FRMD4B: variants seen among roughly 807,000 people sequenced by gnomAD.
FRMD4B encodes FERM domain containing 4B, also known as FERM domain-containing protein 4B.
A neutral mutation model predicts 141.5 loss-of-function variants in FRMD4B; 74 were observed. That is an observed-to-expected ratio of 0.52 (90% CI 0.43 to 0.63). The LOEUF (loss-of-function observed/expected upper bound fraction) is 0.63, where lower values mean the gene tolerates loss of function less well. Among genes scored for constraint, FRMD4B ranks in the 30% least tolerant of loss-of-function variants. The pLI, the probability that FRMD4B is intolerant of heterozygous loss-of-function variation, is 0.00. For synonymous variants in FRMD4B, 506 were observed against 467.9 expected (o/e 1.08, Z -1.05); for missense variants, 1,366 against 1,253.4 (o/e 1.09, Z -1.36).
At chr3:69,485,161 A>T (rs1706194124) in intron 1 of FRMD4B, among the ~76,000 whole-genome samples, 1 of 152,186 alleles carries the variant, frequency 6.6e-6, no homozygotes, top group South Asian at 2.1e-4. Context: ...GGGGGCTGGC[A>T]TGTCAGCACT....
chr3:69,531,794 A>G lies in FRMD4B; in HGVS notation c.-129+10412T>C, dbSNP rs182418737. On this transcript the variant is annotated intron_variant, in intron 1 of 5. Coordinates refer to the FRMD4B transcript ENST00000459638. ...ATCAAGCTCAGTGCTAGAAAGTACAATGAGAACCACTCATTATCTGAACTG... is the reference window on the plus strand; with the variant it reads ...ATCAAGCTCAGTGCTAGAAAGTACAGTGAGAACCACTCATTATCTGAACTG... Among the ~76,000 whole-genome samples the G allele has an allele frequency of 3.9e-4, 60 of 152,326 alleles. No individual in the cohort carries two copies. In the East Asian group the frequency reaches 0.011, roughly 28 times the overall value.
At chr3:69,340,387 C>T (rs901795350) in intron 1 of FRMD4B, among the ~76,000 whole-genome samples, 1 of 152,158 alleles carries the variant, frequency 6.6e-6, no homozygotes, top group Non-Finnish European at 1.5e-5. Flanking sequence ...CATTATTTAG[C>T]TCCCACTTAC....
intron 5 of FRMD4B, among the ~76,000 whole-genome samples, chr3:69,273,624 T>C (rs1319616629): frequency 6.6e-6 from 1 of 152,228 alleles, no homozygotes; most frequent in Non-Finnish European, 1.5e-5. Flanking sequence ...TTTGGCTTGA[T>C]CTTTTCACAA....
intron 5 of FRMD4B, among the ~76,000 whole-genome samples, chr3:69,277,964 T>TCCTGCCTC (rs568510308): frequency 8.5e-4 from 130 of 152,076 alleles, no homozygotes; most frequent in African/African-American, 2.9e-3. Flanking sequence ...CAAGAGATTC[T>TCCTGCCTC]CCTGCCTCAG....
intron 11 of FRMD4B, among the ~76,000 whole-genome samples, chr3:69,204,627 G>C (rs1297666379): frequency 2.6e-5 from 4 of 152,074 alleles, no homozygotes; most frequent in Admixed American, 6.5e-5. Context: ...CAGAATTATA[G>C]GCTTCTATAA....
At chr3:69,231,219 T>C (rs916624688) in intron 7 of FRMD4B, among the ~76,000 whole-genome samples, 1 of 152,156 alleles carries the variant, frequency 6.6e-6, no homozygotes, top group South Asian at 2.1e-4. Context: ...AAGTACAATA[T>C]ACAGTGGGGG....
intron 1 of FRMD4B, among the ~76,000 whole-genome samples, chr3:69,353,227 C>A (rs1276837032): frequency 6.6e-6 from 1 of 152,004 alleles, no homozygotes; most frequent in Non-Finnish European, 1.5e-5. Context: ...TTTAAAGGAG[C>A]AAAGATAGCA....
rs571637689 is a variant in FRMD4B at position 69,219,089 on chromosome 3, C to T, written c.732-710G>A. On this transcript the variant is annotated intron_variant, in intron 9 of 22. Coordinates refer to ENST00000398540, the MANE Select transcript of FRMD4B (RefSeq NM_015123.3). ...CTGAGGCAGGAGAATTGCTTGAATT[C>T]GGGAGGTGGAGGTTGCAGTGAGCCG... 8.9e-5 allele frequency among the ~76,000 whole-genome samples: 13 copies of T among 145,520 alleles called. No individual in the cohort carries two copies. The South Asian group carries it at 2.6e-3, about 29-fold the overall frequency.
chr3:69,239,004 A>C (rs890529684), intron 7 of FRMD4B, among the ~76,000 whole-genome samples: 1 of 152,138 alleles, frequency 6.6e-6, no homozygotes, highest in Non-Finnish European at 1.5e-5. Flanking sequence ...TGAAATTCCA[A>C]TTTAACTGGG....
At chr3:69,525,690 C>G (rs1381370789) in intron 1 of FRMD4B, among the ~76,000 whole-genome samples, 1 of 152,064 alleles carries the variant, frequency 6.6e-6, no homozygotes, top group Non-Finnish European at 1.5e-5. Context: ...CTCATTCTTT[C>G]ACCCAGTCTG....
intron 7 of FRMD4B, among the ~76,000 whole-genome samples, chr3:69,246,947 G>T (rs1180247890): frequency 6.6e-6 from 1 of 152,136 alleles, no homozygotes; most frequent in Non-Finnish European, 1.5e-5. Context: ...CTCAGGCAAG[G>T]GATCTTCCCT....
At chr3:69,440,825 A>C (rs1233614405) in intron 1 of FRMD4B, among the ~76,000 whole-genome samples, 1 of 152,148 alleles carries the variant, frequency 6.6e-6, no homozygotes, top group Admixed American at 6.5e-5. Context: ...AAAATTCTTG[A>C]ATACTTACAT....
rs1479122655 is a variant in FRMD4B at position 69,169,358 on chromosome 3, T to TCC, written c.*2502_*2503insGG. Among the ~76,000 whole-genome samples the TCC allele has an allele frequency of 6.1e-5, 8 of 131,026 alleles. No individual in the cohort carries two copies. The highest frequency in any genetic ancestry group is 2.5e-4 in the African/African-American group (7 of 28,164). 86.0% of individuals were successfully genotyped at this position (131,026 alleles called of 152,430 possible). Reference sequence around the variant, plus strand: ...TGCTGAACTTCCATTTCTTTCTTTTTTTTTTTTTTTTTTTTTTCTTGAGAC... The same window carrying TCC: ...TGCTGAACTTCCATTTCTTTCTTTTTCCTTTTTTTTTTTTTTTTTCTTGAGAC... On this transcript the variant is annotated 3_prime_UTR_variant, in exon 23 of 23. Coordinates refer to ENST00000398540, the MANE Select transcript of FRMD4B (RefSeq NM_015123.3).
intron 11 of FRMD4B, among the ~76,000 whole-genome samples, chr3:69,203,438 G>C (rs529986935): frequency 5.3e-5 from 8 of 152,008 alleles, no homozygotes; most frequent in African/African-American, 1.9e-4. Flanking sequence ...GTAGCTTTGA[G>C]AGTCATTTAT....
chr3:69,228,644 G>T, intron 7 of FRMD4B: 1 of 356,686 alleles, frequency 2.8e-6, no homozygotes, highest in South Asian at 2.2e-5. Context: ...AGACCGACCT[G>T]GGCAACACAG....
At chr3:69,175,147 T>C (rs139895932) in intron 22 of FRMD4B, among the ~76,000 whole-genome samples, 1 of 152,314 alleles carries the variant, frequency 6.6e-6, no homozygotes, top group African/African-American at 2.4e-5. Flanking sequence ...AACTGCTAAA[T>C]TCTCAAATTT....
intron 4 of FRMD4B, among the ~76,000 whole-genome samples, chr3:69,293,749 C>A (rs1700950118): frequency 6.6e-6 from 1 of 151,840 alleles, no homozygotes; most frequent in Non-Finnish European, 1.5e-5. Context: ...GGTTTGGTGG[C>A]ACATGCCTTT....
chr3:69,354,316 G>T (rs1329791497), intron 1 of FRMD4B, among the ~76,000 whole-genome samples: 1 of 151,990 alleles, frequency 6.6e-6, no homozygotes, highest in Non-Finnish European at 1.5e-5. Flanking sequence ...AAAACATATA[G>T]AATACTGGAA....
chr3:69,313,549 G>A (rs1449145135), intron 1 of FRMD4B, 32 bp from the exon 2 acceptor site: 1 of 1,395,924 alleles, frequency 7.2e-7, no homozygotes. Context: ...AGTGGTGTCA[G>A]GGCCACGGCT....
Sources: allele counts gnomAD v4.1 joint callset (sites outside exome capture counted in the v4.1 genomes callset), GRCh38; gene constraint gnomAD v4.1.1; transcripts MANE v1.5; gene names NCBI Gene and HGNC (gene_info 2026-07-23, HGNC 2026-07-21).